Variants in COL5A2 observed in about 807,000 individuals in gnomAD.
COL5A2 encodes collagen alpha-2(V) chain.
COL5A2 carries 23 observed loss-of-function variants against 208.2 expected under a neutral mutation model. The observed-to-expected ratio is 0.11, with a 90% confidence interval of 0.08 to 0.16. COL5A2 has a LOEUF of 0.16. COL5A2 is among the 10% of genes least tolerant of loss of function. COL5A2 has a pLI of 1.00. For missense variants in COL5A2, 1,590 were observed against 1,956.4 expected (o/e 0.81, Z 3.53); for synonymous variants, 625 against 628.5 (o/e 0.99, Z 0.08).
At position 189,033,337 on chromosome 2, in the gene COL5A2, A is replaced by G. The variant is rs922275337; in HGVS notation, c.*733T>C. ...TGATAGATTGATCAAGAGGAGAAAG[A>G]TATCTTTAAATTTGAATGAGAAAGA... On this transcript the variant is annotated 3_prime_UTR_variant, in exon 54 of 54. Transcript: ENST00000374866. 2.0e-5 allele frequency: 3 copies of G among 152,738 alleles called. No individual in the cohort carries two copies. Among genetic ancestry groups the G allele is most frequent in the African/African-American group, 7.2e-5 (3 of 41,450 alleles). 9.5% of individuals were successfully genotyped at this position (152,738 alleles called of 1,614,324 possible).
At chr2:189,192,300 T>C (rs1163053632) in intron 1 of COL5A2, among the ~76,000 whole-genome samples, 1 of 152,204 alleles carries the variant, frequency 6.6e-6, no homozygotes, top group African/African-American at 2.4e-5. Context: ...AACAAAAACT[T>C]ACCTTGTGTC....
In COL5A2 at chr2:189,035,206, T is replaced by G. The variant is rs917479484; in HGVS notation, c.4114-51A>C. The G allele has an allele frequency of 2.5e-6, 4 of 1,610,196 alleles. No individual in the cohort carries two copies. In the African/African-American group the frequency reaches 5.3e-5, roughly 22 times the overall value. ...TACACAAGACTGAAGGGTTTCATAA[T>G]GCCTTACACATGTATAGATAAATAT... On this transcript the variant is annotated intron_variant, in intron 52 of 53. Coordinates refer to ENST00000374866, the MANE Select transcript of COL5A2 (RefSeq NM_000393.5).
At chr2:189,063,532 T>C (rs1023632712) in intron 26 of COL5A2, among the ~76,000 whole-genome samples, 28 of 152,220 alleles carry the variant, frequency 1.8e-4, no homozygotes, top group Non-Finnish European at 2.9e-5. Flanking sequence ...AGGGGAAATC[T>C]TTCTTCTTTC....
At chr2:189,056,341 A>G (rs919124803) in intron 35 of COL5A2, among the ~76,000 whole-genome samples, 8 of 152,240 alleles carry the variant, frequency 5.3e-5, no homozygotes, top group Admixed American at 3.3e-4. Context: ...ACATGAGGAA[A>G]TCATTTATGT....
At chr2:189,322,117 C>A in the COL5A2 span, among the ~76,000 whole-genome samples, 3 of 152,316 alleles carry the variant, frequency 2.0e-5, no homozygotes, top group East Asian at 5.8e-4. Flanking sequence ...TAAAGATGTT[C>A]TTTGAAACCA....
chr2:189,149,679 T>C (rs1172077236), intron 1 of COL5A2, among the ~76,000 whole-genome samples: 1 of 152,244 alleles, frequency 6.6e-6, no homozygotes, highest in Admixed American at 6.5e-5. Flanking sequence ...TATAAGTGAA[T>C]TTTAAAAATC....
At position 189,078,583 on chromosome 2, in the gene COL5A2, A is replaced by T; in HGVS notation, c.1006-14T>A. ...TCCCCTCGGACCCTATAGACGATAG[A>T]GAAGAAATGTCTCTTGAAGCACCTA... On this transcript the variant is annotated splice_polypyrimidine_tract_variant and intron_variant, in intron 15 of 53. Coordinates refer to ENST00000374866, the MANE Select transcript of COL5A2 (RefSeq NM_000393.5). 6.2e-7 allele frequency: 1 copy of T among 1,608,176 alleles called. No individual in the cohort carries two copies. Among genetic ancestry groups the T allele is most frequent in the African/African-American group, 1.3e-5 (1 of 74,878 alleles).
intron 1 of COL5A2, among the ~76,000 whole-genome samples, chr2:189,144,788 A>G (rs1405752027): frequency 6.6e-6 from 1 of 152,162 alleles, no homozygotes; most frequent in Non-Finnish European, 1.5e-5. Context: ...GGCACTAAGC[A>G]GGCCTGACTT....
intron 1 of COL5A2, among the ~76,000 whole-genome samples, chr2:189,146,090 T>TCCC (rs1688034376): frequency 1.3e-5 from 2 of 152,072 alleles, no homozygotes; most frequent in African/African-American, 2.4e-5. Context: ...ATTGATCGGA[T>TCCC]GAACAATGAA....
the COL5A2 span, among the ~76,000 whole-genome samples, chr2:189,405,482 C>T: frequency 5.3e-4 from 81 of 152,228 alleles, no homozygotes; most frequent in East Asian, 0.014. Context: ...CTGCTCACCT[C>T]GCCTCACAAA....
intron 1 of COL5A2, among the ~76,000 whole-genome samples, chr2:189,118,243 G>A (rs1204449086): frequency 2.6e-5 from 4 of 151,652 alleles, no homozygotes; most frequent in Admixed American, 2.0e-4. Context: ...ATCCTAAAAA[G>A]AACATATATT....
intron 1 of COL5A2, among the ~76,000 whole-genome samples, chr2:189,218,395 T>C (rs1297124755): frequency 1.3e-5 from 2 of 152,044 alleles, no homozygotes; most frequent in Non-Finnish European, 2.9e-5. Flanking sequence ...ATTAGAGGGA[T>C]TGTGTACAAA....
intron 1 of COL5A2, among the ~76,000 whole-genome samples, chr2:189,111,238 G>GTGTGTA (rs1409918398): frequency 1.3e-5 from 2 of 152,100 alleles, no homozygotes; most frequent in African/African-American, 4.8e-5. Flanking sequence ...ATATATGTGT[G>GTGTGTA]TGTGTGTGTA....
At chr2:189,306,032 C>T in the COL5A2 span, among the ~76,000 whole-genome samples, 4 of 152,134 alleles carry the variant, frequency 2.6e-5, no homozygotes, top group Admixed American at 6.6e-5. Flanking sequence ...ACTATTGAAT[C>T]GAAGCACCAG....
At chr2:189,243,329 T>C in the COL5A2 span, among the ~76,000 whole-genome samples, 16 of 152,144 alleles carry the variant, frequency 1.1e-4, no homozygotes, top group African/African-American at 3.6e-4. Flanking sequence ...ATTTTCATGC[T>C]GCCAATAAAG....
chr2:189,374,971 T>C, the COL5A2 span, among the ~76,000 whole-genome samples: 68 of 152,044 alleles, frequency 4.5e-4, 1 homozygote, highest in African/African-American at 1.6e-3. Flanking sequence ...TATGCCCTCA[T>C]AATGTAAATC....
At chr2:189,268,772 T>G in the COL5A2 span, among the ~76,000 whole-genome samples, 1 of 152,158 alleles carries the variant, frequency 6.6e-6, no homozygotes, top group Non-Finnish European at 1.5e-5. Flanking sequence ...TTTATTAAAA[T>G]AATATATCTC....
intron 53 of COL5A2, among the ~76,000 whole-genome samples, chr2:189,034,498 T>A (rs1246930576): frequency 6.6e-6 from 1 of 152,224 alleles, no homozygotes; most frequent in African/African-American, 2.4e-5. Flanking sequence ...AAACTATAAT[T>A]CACCATTTAG....
chr2:189,131,987 T>C (rs960963773), intron 1 of COL5A2, among the ~76,000 whole-genome samples: 3 of 152,206 alleles, frequency 2.0e-5, no homozygotes, highest in Non-Finnish European at 4.4e-5. Flanking sequence ...TTTGGGTTAA[T>C]TCAGAGGCTG....
Sources: gnomAD v4.1 joint callset for allele counts (sites outside exome capture counted in the v4.1 genomes callset) on GRCh38, gnomAD v4.1.1 for gene constraint, MANE v1.5 for transcripts, NCBI Gene and HGNC (gene_info 2026-07-23, HGNC 2026-07-21) for gene names.